Variants in TMPRSS4 observed in about 807,000 individuals in gnomAD.
The protein encoded by TMPRSS4 is transmembrane protease serine 4.
A neutral mutation model predicts 56.4 loss-of-function variants in TMPRSS4; 45 were observed. The ratio of observed to expected loss-of-function variants is 0.80; its 90% CI spans 0.63 to 1.02. The LOEUF (loss-of-function observed/expected upper bound fraction) is 1.02, where lower values mean the gene tolerates loss of function less well. Among genes scored for constraint, TMPRSS4 ranks in the 50% least tolerant of loss-of-function variants. TMPRSS4 has a pLI of 0.00. For synonymous variants in TMPRSS4, 205 were observed against 211.0 expected (o/e 0.97, Z 0.25); for missense variants, 546 against 556.7 (o/e 0.98, Z 0.19).
intron 1 of TMPRSS4, among the ~76,000 whole-genome samples, chr11:118,080,492 C>G (rs1297232040): frequency 6.6e-6 from 1 of 152,204 alleles, no homozygotes; most frequent in East Asian, 1.9e-4. Context: ...GGGGGTCAAG[C>G]TCTGTGCCTG....
At chr11:118,101,267 G>T (rs964923597) in intron 3 of TMPRSS4, among the ~76,000 whole-genome samples, 1 of 152,132 alleles carries the variant, frequency 6.6e-6, no homozygotes, top group African/African-American at 2.4e-5. Context: ...TCAGGATTAC[G>T]TGAGGAAATG....
intron 7 of TMPRSS4, among the ~76,000 whole-genome samples, chr11:118,110,344 CTT>C (rs11320723): frequency 8.8e-4 from 129 of 146,512 alleles, no homozygotes; most frequent in Middle Eastern, 3.5e-3. Flanking sequence ...TAGATTCTCT[CTT>C]TTTTTTTTTT....
rs760572431 is a variant in TMPRSS4, at chr11:118,117,400, A to G, written c.1248A>G (p.Pro416=). ...ATGGCTGCGGGGGCCCGAGCACCCCAGGAGTATACACCAAGGTCTCAGCCT... is the reference window on the plus strand; with the variant it reads ...ATGGCTGCGGGGGCCCGAGCACCCCGGGAGTATACACCAAGGTCTCAGCCT... The part of the protein sequence containing the change: ...WGYGCGGPST[P]GVYTKVSAYL... The change falls in exon 12 of 13, where the codon CCA becomes CCG. Residue 416 remains proline (P), a synonymous_variant. Coordinates refer to ENST00000437212, the MANE Select transcript of TMPRSS4 (RefSeq NM_019894.4). 2 of 1,614,156 alleles carry G rather than the reference A, an allele frequency of 1.2e-6. No individual in the cohort carries two copies. Among genetic ancestry groups the G allele is most frequent in the South Asian group, 2.2e-5 (2 of 91,086 alleles).
At chr11:118,122,402 G>A (rs903021393), downstream of TMPRSS4, among the ~76,000 whole-genome samples, 2 of 152,016 alleles carry the variant, frequency 1.3e-5, no homozygotes, top group Non-Finnish European at 2.9e-5. Context: ...TCTAAATAAG[G>A]ATTTAGGACA....
At chr11:118,084,239 A>T (rs1332463507) in intron 1 of TMPRSS4, among the ~76,000 whole-genome samples, 2 of 152,166 alleles carry the variant, frequency 1.3e-5, no homozygotes, top group Non-Finnish European at 2.9e-5. Flanking sequence ...AGCAAACAGG[A>T]TTCAGACCTA....
intron 7 of TMPRSS4, among the ~76,000 whole-genome samples, chr11:118,110,853 A>G (rs56975338): frequency 0.085 from 13,005 of 152,242 alleles, 1,437 homozygotes; most frequent in African/African-American, 0.26. Flanking sequence ...ACAGGCCACG[A>G]ACCAGTGGGA....
intron 2 of TMPRSS4, among the ~76,000 whole-genome samples, chr11:118,095,717 G>C (rs561773773): frequency 6.6e-6 from 1 of 152,296 alleles, no homozygotes; most frequent in African/African-American, 2.4e-5. Flanking sequence ...GGTTGGTGAA[G>C]ACTAGCAGTG....
intron 12 of TMPRSS4, 83 bp downstream of exon 12, chr11:118,117,537 A>C: frequency 6.5e-7 from 1 of 1,531,606 alleles, no homozygotes; most frequent in Non-Finnish European, 8.8e-7. Context: ...GGTTTGATTT[A>C]AATGGTTCTG....
At chr11:118,078,220 G>C (rs1054365432) in intron 1 of TMPRSS4, among the ~76,000 whole-genome samples, 2 of 152,090 alleles carry the variant, frequency 1.3e-5, no homozygotes, top group Non-Finnish European at 2.9e-5. Context: ...AAGGAGGACA[G>C]CTGAGGGCCA....
intron 1 of TMPRSS4, among the ~76,000 whole-genome samples, chr11:118,086,447 C>A (rs1945562042): frequency 6.6e-6 from 1 of 152,218 alleles, no homozygotes; most frequent in Non-Finnish European, 1.5e-5. Context: ...TGAGGTTAGA[C>A]CCAAAGGAAA....
rs1946822596 is a variant in TMPRSS4 at position 118,103,359 on chromosome 11, C to A, written c.310+106C>A. The A allele has an allele frequency of 6.8e-6, 5 of 740,538 alleles. No individual in the cohort carries two copies. The African/African-American group carries it at 9.2e-5, about 14-fold the overall frequency. 45.9% of individuals were successfully genotyped at this position (740,538 alleles called of 1,614,324 possible). ...CTGCCCCCTACTTGTCACTTTTCAT[C>A]CTTGTTGTATAAGGTTCTTTGTTTG... On this transcript the variant is annotated intron_variant, in intron 4 of 12. Transcript: ENST00000437212.
intron 3 of TMPRSS4, among the ~76,000 whole-genome samples, chr11:118,101,990 T>A (rs1946742666): frequency 1.3e-5 from 2 of 152,332 alleles, no homozygotes; most frequent in Admixed American, 1.3e-4. Flanking sequence ...TATATTTTAA[T>A]TATTTTTTTC....
At position 118,118,167 on chromosome 11, in the gene TMPRSS4, A is replaced by G; in HGVS notation, c.*254A>G. ...AGCATCCCAGGGAGAGACACAGCCC[A>G]CTGAACAAGGTCTCAGGGGTATTGC... On this transcript the variant is annotated 3_prime_UTR_variant, in exon 13 of 13. Transcript: ENST00000437212. 7.1e-7 allele frequency: 1 copy of G among 1,411,780 alleles called. No homozygotes were observed. Among genetic ancestry groups the G allele is most frequent in the South Asian group, 1.6e-5 (1 of 63,050 alleles). 87.5% of individuals were successfully genotyped at this position (1,411,780 alleles called of 1,614,324 possible). A position where few individuals can be genotyped will look rare whatever the true frequency, so the allele number is the denominator to read the frequency against.
At position 118,077,125 on chromosome 11, in the gene TMPRSS4, G is replaced by C. The variant is rs1361573738; in HGVS notation, c.-178G>C. The C allele has an allele frequency of 1.6e-6, 1 of 608,168 alleles. No homozygotes were observed. Among genetic ancestry groups the C allele is most frequent in the East Asian group, 3.2e-5 (1 of 31,408 alleles). 37.7% of individuals were successfully genotyped at this position (608,168 alleles called of 1,614,324 possible). ...GGCAGCAGCTTGCTCAGCGGACAAG[G>C]ATGCTGGGCGTGAGGGACCAAGGCC... On this transcript the variant is annotated 5_prime_UTR_variant, in exon 1 of 13. Transcript: ENST00000437212.
At chr11:118,092,403 T>C (rs1946031952) in intron 1 of TMPRSS4, among the ~76,000 whole-genome samples, 1 of 152,190 alleles carries the variant, frequency 6.6e-6, no homozygotes, top group South Asian at 2.1e-4. Flanking sequence ...GAATGCTGAT[T>C]GGTCAGGGAT....
In TMPRSS4 at chr11:118,095,224, G is replaced by A. The variant is rs1946221726; in HGVS notation, c.43+369G>A. On this transcript the variant is annotated intron_variant, in intron 2 of 12. Transcript: ENST00000437212. ...GACAGCTGAAGTCCCTGGTGTCATG[G>A]AGTTCACATTGGCCAGAGGCATTTT... 4.1e-5 allele frequency: 8 copies of A among 193,222 alleles called. No individual in the cohort carries two copies. The South Asian group carries it at 8.9e-4, about 22-fold the overall frequency. 12.0% of individuals were successfully genotyped at this position (193,222 alleles called of 1,614,324 possible). A position where few individuals can be genotyped will look rare whatever the true frequency, so the allele number is the denominator to read the frequency against.
intron 1 of TMPRSS4, among the ~76,000 whole-genome samples, chr11:118,080,887 G>A (rs573808147): frequency 6.6e-6 from 1 of 152,170 alleles, no homozygotes; most frequent in Admixed American, 6.5e-5. Context: ...GAAAACATCA[G>A]CCTCAGTAAA....
chr11:118,104,849 C>CCCTCATT (rs1565431896), intron 5 of TMPRSS4, 29 bp downstream of exon 5: 1 of 1,534,774 alleles, frequency 6.5e-7, no homozygotes, highest in Admixed American at 2.0e-5. Flanking sequence ...TCTCCTTTTT[C>CCCTCATT]CCTCCTTCCT....
chr11:118,119,385 G>A lies in TMPRSS4; in HGVS notation c.*1472G>A, dbSNP rs1013895255. 1 of 983,016 alleles carries A rather than the reference G, an allele frequency of 1.0e-6. No individual in the cohort carries two copies. Among genetic ancestry groups the A allele is most frequent in the Non-Finnish European group, 1.2e-6 (1 of 827,818 alleles). 60.9% of individuals were successfully genotyped at this position (983,016 alleles called of 1,614,324 possible). A position where few individuals can be genotyped will look rare whatever the true frequency, so the allele number is the denominator to read the frequency against. The stretch of plus-strand genomic sequence containing the variant: ...TCTGGAGGAAAATTTCCCAAATTTA[G>A]AGCCTCAGGATTCCCAAAGATCCTC... On this transcript the variant is annotated 3_prime_UTR_variant, in exon 13 of 13. Transcript: ENST00000437212.
Sources: allele counts gnomAD v4.1 joint callset (sites outside exome capture counted in the v4.1 genomes callset), GRCh38; gene constraint gnomAD v4.1.1; transcripts MANE v1.5; gene names NCBI Gene and HGNC (gene_info 2026-07-23, HGNC 2026-07-21).